The following RGS6 variants were observed in gnomAD, a reference collection of about 807,000 sequenced individuals.
The protein encoded by RGS6 is regulator of G protein signaling 6.
In RGS6, 30 loss-of-function variants were observed where a neutral mutation model predicts 78.5. The observed-to-expected ratio is 0.38, with a 90% CI of 0.29 to 0.52. RGS6 has a LOEUF of 0.52. Ranked by LOEUF, RGS6 falls within the 20% of genes least tolerant of loss-of-function variation. RGS6 has a pLI of 0.85. For missense variants in RGS6, 495 were observed against 609.7 expected, an observed-to-expected ratio of 0.81 and a Z score of 1.98; for synonymous variants, 206 against 206.0, an observed-to-expected ratio of 1.00 and a Z score of 0.00.
intron 12 of RGS6, among the ~76,000 whole-genome samples, chr14:72,481,916 C>T (rs890124377): frequency 4.0e-5 from 6 of 149,210 alleles, no homozygotes; most frequent in Admixed American, 3.4e-4. Context: ...TCACACCATT[C>T]TCCTGCCTCA....
chr14:72,557,667 T>C (rs1211677930), intron 17 of RGS6, among the ~76,000 whole-genome samples: 3 of 152,204 alleles, frequency 2.0e-5, no homozygotes, highest in Non-Finnish European at 4.4e-5. Flanking sequence ...GACTCATCTC[T>C]CTCTGGGGCC....
At chr14:72,229,574 G>T (rs1391207610) in intron 2 of RGS6, among the ~76,000 whole-genome samples, 2 of 152,154 alleles carry the variant, frequency 1.3e-5, no homozygotes, top group South Asian at 4.1e-4. Flanking sequence ...GCTCTCCCCA[G>T]ATAACTGACA....
At position 72,216,997 on chromosome 14, in the gene RGS6, G is replaced by A. The variant is rs541293244; in HGVS notation, c.85-135098G>A. 6.6e-5 allele frequency among the ~76,000 whole-genome samples: 10 copies of A among 152,146 alleles called. No individual in the cohort carries two copies. In the South Asian group the frequency reaches 1.7e-3, roughly 25 times the overall value. Reference sequence around the variant, plus strand: ...CAGCAACAGAAAAACAGGCACATTCGGAGGTGTGTGTTTCATTTTATAGTG... The same window carrying A: ...CAGCAACAGAAAAACAGGCACATTCAGAGGTGTGTGTTTCATTTTATAGTG... On this transcript the variant is annotated intron_variant, in intron 2 of 17. Coordinates refer to ENST00000553525, the MANE Select transcript of RGS6 (RefSeq NM_001204424.2).
chr14:72,103,070 T>A (rs1057218138), intron 2 of RGS6, among the ~76,000 whole-genome samples: 2 of 152,214 alleles, frequency 1.3e-5, no homozygotes, highest in African/African-American at 4.8e-5. Flanking sequence ...ACCTCCGTTA[T>A]TTCAGACTTA....
chr14:72,177,494 A>G (rs554578555), intron 2 of RGS6, among the ~76,000 whole-genome samples: 1 of 152,314 alleles, frequency 6.6e-6, no homozygotes, highest in South Asian at 2.1e-4. Context: ...CTCATTAAGA[A>G]TAACTTTTTA....
intron 10 of RGS6, among the ~76,000 whole-genome samples, chr14:72,475,139 G>T (rs1020953116): frequency 2.0e-5 from 3 of 151,858 alleles, no homozygotes; most frequent in Admixed American, 6.6e-5. Flanking sequence ...GCAAGAAGTG[G>T]CAAAGCTCAC....
At chr14:72,178,804 A>G (rs1474996145) in intron 2 of RGS6, among the ~76,000 whole-genome samples, 1 of 152,162 alleles carries the variant, frequency 6.6e-6, no homozygotes, top group Admixed American at 6.5e-5. Context: ...TAACTTTTTA[A>G]AGGGGAAAGG....
chr14:72,347,015 G>A (rs2681739), intron 2 of RGS6, among the ~76,000 whole-genome samples: 48,526 of 151,974 alleles, frequency 0.32, 8,023 homozygotes, highest in South Asian at 0.43. Flanking sequence ...GGACATTCTC[G>A]TGGCTGTGGC....
intron 2 of RGS6, among the ~76,000 whole-genome samples, chr14:72,060,495 T>C (rs2093841374): frequency 6.6e-6 from 1 of 152,102 alleles, no homozygotes; most frequent in South Asian, 2.1e-4. Context: ...TAGTCTACCG[T>C]ATACAAATTT....
intron 17 of RGS6, chr14:72,547,382 C>CCCG (rs56843363): frequency 4.0e-5 from 55 of 1,390,190 alleles, no homozygotes; most frequent in East Asian, 2.1e-4. Flanking sequence ...GACCCCCCCC[C>CCCG]GACCCATGGA....
chr14:72,507,943 C>G (rs1471929373), intron 13 of RGS6, among the ~76,000 whole-genome samples: 2 of 152,174 alleles, frequency 1.3e-5, no homozygotes, highest in Non-Finnish European at 2.9e-5. Context: ...AGCCTCAACC[C>G]CAGGGGAATT....
At chr14:72,448,187 G>A (rs1189267354) in intron 3 of RGS6, among the ~76,000 whole-genome samples, 6 of 152,192 alleles carry the variant, frequency 3.9e-5, no homozygotes, top group Admixed American at 1.3e-4. Context: ...GGTTCCCACC[G>A]TTTGTAAGTG....
chr14:71,869,504 CTG>C, the RGS6 span, among the ~76,000 whole-genome samples: 1 of 152,234 alleles, frequency 6.6e-6, no homozygotes, highest in African/African-American at 2.4e-5. Context: ...TCTCTAAACA[CTG>C]TTGCTACAGT....
the RGS6 span, among the ~76,000 whole-genome samples, chr14:71,918,496 A>G: frequency 6.6e-6 from 1 of 152,204 alleles, no homozygotes; most frequent in African/African-American, 2.4e-5. Context: ...AAAGAGAATG[A>G]AAATGCGTAG....
chr14:72,538,246 G>T (rs2097275777), intron 16 of RGS6, among the ~76,000 whole-genome samples: 1 of 152,170 alleles, frequency 6.6e-6, no homozygotes, highest in African/African-American at 2.4e-5. Context: ...GGTCATAAAA[G>T]GTATGTGAGA....
At chr14:72,021,582 C>A (rs2088561173) in intron 2 of RGS6, among the ~76,000 whole-genome samples, 1 of 150,976 alleles carries the variant, frequency 6.6e-6, no homozygotes, top group Admixed American at 6.6e-5. Context: ...AATTCTCCTG[C>A]CTCAGCCTCC....
chr14:72,279,414 G>A (rs1208708889), intron 2 of RGS6, among the ~76,000 whole-genome samples: 2 of 152,138 alleles, frequency 1.3e-5, no homozygotes, highest in African/African-American at 4.8e-5. Flanking sequence ...GATAAGTGAC[G>A]AGGTATGTGA....
At chr14:72,316,030 A>G (rs2070089362) in intron 2 of RGS6, among the ~76,000 whole-genome samples, 1 of 152,180 alleles carries the variant, frequency 6.6e-6, no homozygotes. Flanking sequence ...TCCCTGGGGA[A>G]CATTTCTCTC....
At chr14:72,187,601 G>GA (rs2097264419) in intron 2 of RGS6, among the ~76,000 whole-genome samples, 1 of 152,102 alleles carries the variant, frequency 6.6e-6, no homozygotes, top group Admixed American at 6.6e-5. Flanking sequence ...CAGCATGAAG[G>GA]AGGACACCCT....
Sources: allele counts gnomAD v4.1 joint callset (sites outside exome capture counted in the v4.1 genomes callset), GRCh38; gene constraint gnomAD v4.1.1; transcripts MANE v1.5; gene names NCBI Gene and HGNC (gene_info 2026-07-23, HGNC 2026-07-21).